The following KCNMA1 variants were observed in gnomAD, a reference collection of about 807,000 sequenced individuals.
The protein encoded by KCNMA1 is Calcium-activated potassium channel subunit alpha-1.
In KCNMA1, 29 loss-of-function variants were observed where a neutral mutation model predicts 140.0. The observed-to-expected ratio is 0.21, with a 90% CI of 0.15 to 0.28. KCNMA1 has a LOEUF of 0.28. Ranked by LOEUF, KCNMA1 falls within the 10% of genes least tolerant of loss-of-function variation. The pLI is 1.00. For missense variants in KCNMA1, 880 were observed against 1,602.2 expected, an observed-to-expected ratio of 0.55 and a Z score of 7.70; for synonymous variants, 612 against 611.9, an observed-to-expected ratio of 1.00 and a Z score of 0.00.
intron 7 of KCNMA1, among the ~76,000 whole-genome samples, chr10:77,110,687 C>T (rs1419882065): frequency 2.0e-5 from 3 of 152,234 alleles, no homozygotes; most frequent in Non-Finnish European, 4.4e-5. Context: ...TTTTAGAGCA[C>T]TCTCTTCAAG....
intron 23 of KCNMA1, among the ~76,000 whole-genome samples, chr10:76,937,986 G>A (rs954424046): frequency 1.3e-5 from 2 of 151,940 alleles, no homozygotes; most frequent in African/African-American, 4.8e-5. Flanking sequence ...AAAGGCAGTG[G>A]ACATATGTCT....
chr10:77,266,274 A>C (rs2063417597), intron 2 of KCNMA1, among the ~76,000 whole-genome samples: 1 of 152,160 alleles, frequency 6.6e-6, no homozygotes, highest in South Asian at 2.1e-4. Context: ...GCTAAAAAAG[A>C]AGAATGTCCA....
chr10:77,177,504 CTTTTCTTTTT>C (rs1475914383), intron 5 of KCNMA1, among the ~76,000 whole-genome samples: 2 of 145,108 alleles, frequency 1.4e-5, no homozygotes, highest in African/African-American at 2.6e-5. Context: ...CTTTTCTTTT[CTTTTCTTTTT>C]TCTTTTCTTT....
chr10:77,335,940 C>T (rs902991549), intron 2 of KCNMA1, among the ~76,000 whole-genome samples: 8 of 152,232 alleles, frequency 5.3e-5, no homozygotes, highest in African/African-American at 1.4e-4. Flanking sequence ...ATTTCCACTC[C>T]ACCAATCTTG....
rs779739159 is a variant in KCNMA1, at chr10:76,887,280, C to T, written c.3697G>A (p.Glu1233Lys). 3.7e-6 allele frequency: 6 copies of T among 1,614,128 alleles called. No individual in the cohort carries two copies. The highest frequency in any genetic ancestry group is 1.1e-5 in the South Asian group (1 of 91,068). Residue 1233 changes from glutamate to lysine, a missense_variant, in exon 28 of 28, where the codon GAA (glutamate) becomes AAA (lysine). Transcript: ENST00000286628. ...ESRDKQKYVQ[E>K]ERL ...GGATACACATATCAAAGCCGCTCTT[C>T]CTGCACGTACTTCTGTTTGTCCCGG...
chr10:77,532,487 G>A (rs1482630948), intron 1 of KCNMA1, among the ~76,000 whole-genome samples: 3 of 152,192 alleles, frequency 2.0e-5, no homozygotes, highest in Non-Finnish European at 4.4e-5. Flanking sequence ...AGGAGGTAGG[G>A]TTGGTTTATT....
intron 25 of KCNMA1, among the ~76,000 whole-genome samples, chr10:76,894,329 CA>C (rs1683818277): frequency 6.6e-6 from 1 of 152,004 alleles, no homozygotes; most frequent in African/African-American, 2.4e-5. Flanking sequence ...AAAATTAACA[CA>C]AAAGGGGTCA....
At chr10:77,467,994 T>TA (rs1365213727) in intron 1 of KCNMA1, among the ~76,000 whole-genome samples, 2 of 152,124 alleles carry the variant, frequency 1.3e-5, no homozygotes, top group Admixed American at 6.5e-5. Flanking sequence ...TCCTTGTTTT[T>TA]ATTTTTATTT....
intron 1 of KCNMA1, among the ~76,000 whole-genome samples, chr10:77,521,356 C>T (rs1249109850): frequency 6.6e-6 from 1 of 152,226 alleles, no homozygotes; most frequent in African/African-American, 2.4e-5. Context: ...CCTACATTCT[C>T]ACTCTTGTCT....
At chr10:77,591,208 T>C (rs1226371081) in intron 1 of KCNMA1, among the ~76,000 whole-genome samples, 2 of 152,056 alleles carry the variant, frequency 1.3e-5, no homozygotes, top group Non-Finnish European at 2.9e-5. Flanking sequence ...AGATCACTCA[T>C]GTACCAAGAG....
At chr10:77,289,447 C>T (rs935678684) in intron 2 of KCNMA1, among the ~76,000 whole-genome samples, 2 of 152,200 alleles carry the variant, frequency 1.3e-5, no homozygotes, top group African/African-American at 4.8e-5. Flanking sequence ...TGGACAGCAG[C>T]GGAAGTTACC....
At chr10:77,578,377 C>T (rs1399721501) in intron 1 of KCNMA1, among the ~76,000 whole-genome samples, 1 of 152,216 alleles carries the variant, frequency 6.6e-6, no homozygotes, top group African/African-American at 2.4e-5. Flanking sequence ...GAGATGAAGA[C>T]AGGCCTATCT....
intron 23 of KCNMA1, among the ~76,000 whole-genome samples, chr10:76,922,815 C>G (rs1468730381): frequency 3.3e-5 from 5 of 152,144 alleles, no homozygotes; most frequent in Non-Finnish European, 5.9e-5. Context: ...TCACTTGTGC[C>G]AAAATGTCCC....
chr10:77,422,158 C>T (rs1050695055), intron 1 of KCNMA1, among the ~76,000 whole-genome samples: 8 of 152,212 alleles, frequency 5.3e-5, no homozygotes, highest in Admixed American at 4.6e-4. Context: ...CTGCCAGTGT[C>T]CAAGGGCAGC....
intron 1 of KCNMA1, among the ~76,000 whole-genome samples, chr10:77,561,892 C>G (rs2670147): frequency 0.91 from 139,221 of 152,294 alleles, 63,778 homozygotes; most frequent in South Asian, 0.97. Context: ...CAAGATAAGA[C>G]AGTGCTAAAG....
At chr10:76,917,908 T>G (rs567933573) in intron 23 of KCNMA1, among the ~76,000 whole-genome samples, 1 of 152,292 alleles carries the variant, frequency 6.6e-6, no homozygotes, top group East Asian at 1.9e-4. Flanking sequence ...ATTCCTTAAA[T>G]GGCTTTGGAG....
intron 12 of KCNMA1, among the ~76,000 whole-genome samples, chr10:77,079,902 T>C (rs2096521110): frequency 6.6e-6 from 1 of 152,172 alleles, no homozygotes; most frequent in Non-Finnish European, 1.5e-5. Flanking sequence ...AATTATGAAA[T>C]CAACTATCTC....
At chr10:77,621,926 T>A (rs1005850957) in intron 1 of KCNMA1, among the ~76,000 whole-genome samples, 7 of 152,206 alleles carry the variant, frequency 4.6e-5, no homozygotes, top group Admixed American at 2.6e-4. Flanking sequence ...TGGAAGACTG[T>A]TGACACTCAG....
chr10:77,217,196 T>A (rs1451219911), intron 3 of KCNMA1, among the ~76,000 whole-genome samples: 2 of 151,562 alleles, frequency 1.3e-5, no homozygotes, highest in African/African-American at 4.9e-5. Context: ...TCCCACCTAC[T>A]CGGGAGGCTG....
Sources: allele counts gnomAD v4.1 joint callset (sites outside exome capture counted in the v4.1 genomes callset), GRCh38; gene constraint gnomAD v4.1.1; transcripts MANE v1.5; gene names NCBI Gene and HGNC (gene_info 2026-07-23, HGNC 2026-07-21).